ERC2: variants seen among roughly 807,000 people sequenced by gnomAD.
ERC2 encodes ELKS/RAB6-interacting/CAST family member 2.
Under a neutral mutation model 114.8 loss-of-function variants are expected in ERC2, and 42 were observed. The ratio of observed to expected loss-of-function variants is 0.37; its 90% CI spans 0.29 to 0.47. ERC2 has a LOEUF of 0.47. Ranked by LOEUF, ERC2 falls within the 20% of genes least tolerant of loss-of-function variation. ERC2 has a pLI of 0.99. For missense variants in ERC2, 939 were observed against 1,150.7 expected (o/e 0.82, Z 2.66); for synonymous variants, 454 against 425.5 (o/e 1.07, Z -0.82).
intron 14 of ERC2, among the ~76,000 whole-genome samples, chr3:55,856,721 G>A (rs1386877344): frequency 6.6e-6 from 1 of 152,064 alleles, no homozygotes; most frequent in Non-Finnish European, 1.5e-5. Flanking sequence ...GCACATGAAT[G>A]TTCATAGTAG....
intron 17 of ERC2, 37 bp downstream of exon 17, chr3:55,683,757 T>G: frequency 6.4e-7 from 1 of 1,561,056 alleles, no homozygotes. Flanking sequence ...TAGAATGCAA[T>G]TTTTTAATAA....
At chr3:55,737,235 GT>G (rs1485379922) in intron 14 of ERC2, among the ~76,000 whole-genome samples, 1 of 152,198 alleles carries the variant, frequency 6.6e-6, no homozygotes, top group Non-Finnish European at 1.5e-5. Context: ...AGGAGCTTCT[GT>G]TTGAAGCTCA....
chr3:55,750,817 A>C (rs1055567768), intron 14 of ERC2, among the ~76,000 whole-genome samples: 29 of 152,176 alleles, frequency 1.9e-4, no homozygotes, highest in Admixed American at 5.9e-4. Context: ...TGACGTTTTC[A>C]CGCATGCCCG....
At chr3:56,338,221 C>T (rs769871821) in intron 2 of ERC2, among the ~76,000 whole-genome samples, 15 of 152,164 alleles carry the variant, frequency 9.9e-5, no homozygotes, top group Non-Finnish European at 1.9e-4. Context: ...TTCCTTACTT[C>T]GTGATGGTTA....
chr3:56,057,529 G>T (rs2076067403), intron 7 of ERC2, among the ~76,000 whole-genome samples: 1 of 152,148 alleles, frequency 6.6e-6, no homozygotes, highest in African/African-American at 2.4e-5. Flanking sequence ...TAGCTGCATG[G>T]TTCTTTCGCC....
intron 2 of ERC2, among the ~76,000 whole-genome samples, chr3:56,375,108 TCCA>T (rs1190566149): frequency 9.2e-5 from 14 of 152,154 alleles, no homozygotes; most frequent in Middle Eastern, 3.2e-3. Context: ...GTTGCATTTG[TCCA>T]CCACAAGGGA....
At chr3:56,149,198 C>T in intron 4 of ERC2, 66 bp from the exon 5 acceptor site, 4 of 1,452,778 alleles carry the variant, frequency 2.8e-6, no homozygotes, top group Non-Finnish European at 3.7e-6. Flanking sequence ...ATCATCAAAA[C>T]AGAATTTAAG....
At chr3:55,700,293 A>G (rs1198618238) in intron 15 of ERC2, among the ~76,000 whole-genome samples, 1 of 152,216 alleles carries the variant, frequency 6.6e-6, no homozygotes, top group African/African-American at 2.4e-5. Context: ...AAAAATGCCT[A>G]AAGACCACGG....
intron 14 of ERC2, among the ~76,000 whole-genome samples, chr3:55,851,587 C>T (rs2061574427): frequency 6.6e-6 from 1 of 152,088 alleles, no homozygotes; most frequent in African/African-American, 2.4e-5. Context: ...TAACTGGACT[C>T]CAGAGCTTTG....
chr3:55,667,525 T>C (rs563224175), intron 17 of ERC2, among the ~76,000 whole-genome samples: 2 of 152,328 alleles, frequency 1.3e-5, no homozygotes, highest in South Asian at 4.1e-4. Flanking sequence ...AGTCTGCCAT[T>C]CATCATCCTG....
intron 4 of ERC2, among the ~76,000 whole-genome samples, chr3:56,170,367 G>A (rs1194344393): frequency 6.6e-6 from 1 of 152,154 alleles, no homozygotes; most frequent in African/African-American, 2.4e-5. Flanking sequence ...CCAAAGTCCA[G>A]AGGGGGTACA....
At chr3:56,451,757 A>T (rs2062837246) in intron 1 of ERC2, among the ~76,000 whole-genome samples, 1 of 152,248 alleles carries the variant, frequency 6.6e-6, no homozygotes, top group Non-Finnish European at 1.5e-5. Context: ...TTCAACAAAT[A>T]CTTCTGGAGA....
intron 3 of ERC2, among the ~76,000 whole-genome samples, chr3:56,258,815 A>AG (rs1222122022): frequency 6.6e-6 from 1 of 152,178 alleles, no homozygotes; most frequent in East Asian, 1.9e-4. Flanking sequence ...TATCATAGAG[A>AG]GTGCCCCAAA....
At position 55,658,087 on chromosome 3, in the gene ERC2, T is replaced by C. The variant is rs553827609; in HGVS notation, c.*39+25707A>G. Reference sequence around the variant, plus strand: ...CAAACTGACTTATGGAAAAAGGCATTTATTAGTTCTTGTAACTAAATCATT... The same window carrying C: ...CAAACTGACTTATGGAAAAAGGCATCTATTAGTTCTTGTAACTAAATCATT... On this transcript the variant is annotated intron_variant, in intron 17 of 17. Coordinates refer to ENST00000288221, the MANE Select transcript of ERC2 (RefSeq NM_015576.3). The C allele has an allele frequency of 2.0e-5, 3 of 152,318 alleles. No homozygotes were observed. In the South Asian group the frequency reaches 6.2e-4, roughly 32 times the overall value. 9.4% of individuals were successfully genotyped at this position (152,318 alleles called of 1,614,324 possible).
intron 1 of ERC2, among the ~76,000 whole-genome samples, chr3:56,460,153 A>G (rs1338223162): frequency 6.6e-6 from 1 of 152,240 alleles, no homozygotes; most frequent in Non-Finnish European, 1.5e-5. Context: ...TGAAAGAATG[A>G]GCAGAAAATC....
chr3:56,074,441 A>G (rs2076882660), intron 7 of ERC2, among the ~76,000 whole-genome samples: 1 of 152,188 alleles, frequency 6.6e-6, no homozygotes, highest in African/African-American at 2.4e-5. Context: ...GGAAATGCAA[A>G]TAATTGGAAA....
intron 14 of ERC2, among the ~76,000 whole-genome samples, chr3:55,787,715 C>A (rs1239503521): frequency 1.3e-5 from 2 of 152,166 alleles, no homozygotes; most frequent in East Asian, 3.9e-4. Flanking sequence ...CCCTATTGAT[C>A]CATCAGAACT....
At chr3:56,044,772 G>A (rs1046215837) in intron 7 of ERC2, among the ~76,000 whole-genome samples, 1 of 152,068 alleles carries the variant, frequency 6.6e-6, no homozygotes, top group Non-Finnish European at 1.5e-5. Flanking sequence ...TTGGACTCTT[G>A]CATCTACTTC....
chr3:56,155,374 A>G (rs1411031643), intron 4 of ERC2, among the ~76,000 whole-genome samples: 1 of 151,906 alleles, frequency 6.6e-6, no homozygotes, highest in East Asian at 1.9e-4. Context: ...AAAAAAAAAA[A>G]AAAAAGAAAA....
Sources: allele counts gnomAD v4.1 joint callset (sites outside exome capture counted in the v4.1 genomes callset), GRCh38; gene constraint gnomAD v4.1.1; transcripts MANE v1.5; gene names NCBI Gene and HGNC (gene_info 2026-07-23, HGNC 2026-07-21).